RBFOX1: variants seen among roughly 807,000 people sequenced by gnomAD.
The protein encoded by RBFOX1 is RNA binding fox-1 homolog 1, also known as RNA binding protein fox-1 homolog 1.
Under a neutral mutation model 57.7 loss-of-function variants are expected in RBFOX1, and 8 were observed. The ratio of observed to expected loss-of-function variants is 0.14; its 90% CI spans 0.08 to 0.25. RBFOX1 has a LOEUF of 0.25. Ranked by LOEUF, RBFOX1 falls within the 10% of genes least tolerant of loss-of-function variation. The pLI, the probability that RBFOX1 is intolerant of heterozygous loss-of-function variation, is 1.00. For missense variants in RBFOX1, 611 were observed against 548.5 expected (o/e 1.11, Z -1.14); for synonymous variants, 326 against 222.4 (o/e 1.47, Z -4.15).
chr16:7,272,437 G>C (rs528855557), intron 4 of RBFOX1, among the ~76,000 whole-genome samples: 5 of 152,166 alleles, frequency 3.3e-5, no homozygotes, highest in South Asian at 2.1e-4. Context: ...ACCTGCCTCA[G>C]TATCCCAAAA....
At chr16:5,978,870 A>G (rs1283301902) in intron 4 of RBFOX1, among the ~76,000 whole-genome samples, 1 of 152,016 alleles carries the variant, frequency 6.6e-6, no homozygotes, top group Admixed American at 6.5e-5. Context: ...CACCCCCAAT[A>G]CTGTTCATCA....
rs146109687 is a variant in RBFOX1 at position 5,397,225 on chromosome 16, G to A, written c.220-69991G>A. ...AGAGAAACGTGGAGGAGGCTGAAAG[G>A]CTTCTCTAAAGGGATTTTCCCCCTC... On this transcript the variant is annotated intron_variant, in intron 1 of 2. Transcript: ENST00000585867. 3.3e-5 allele frequency among the ~76,000 whole-genome samples: 5 copies of A among 152,346 alleles called. No individual in the cohort carries two copies. In the South Asian group the frequency reaches 6.2e-4, roughly 19 times the overall value.
intron 3 of RBFOX1, among the ~76,000 whole-genome samples, chr16:6,928,942 G>T (rs1021645688): frequency 2.0e-5 from 3 of 152,100 alleles, no homozygotes; most frequent in African/African-American, 7.2e-5. Flanking sequence ...AGTCCCCAAA[G>T]CAGATGTCAT....
chr16:6,381,791 G>A (rs572786193), intron 2 of RBFOX1, among the ~76,000 whole-genome samples: 16 of 152,290 alleles, frequency 1.1e-4, no homozygotes, highest in African/African-American at 3.4e-4. Flanking sequence ...TGTGTCCCTC[G>A]GGATTCCAGC....
At chr16:6,987,155 A>G (rs1229457325) in intron 3 of RBFOX1, among the ~76,000 whole-genome samples, 3 of 152,072 alleles carry the variant, frequency 2.0e-5, no homozygotes, top group East Asian at 3.9e-4. Context: ...TCAGTCAGAG[A>G]GCAGCATTTT....
chr16:6,592,985 G>T (rs1397967572), intron 2 of RBFOX1, among the ~76,000 whole-genome samples: 1 of 152,130 alleles, frequency 6.6e-6, no homozygotes, highest in Admixed American at 6.5e-5. Context: ...CTGAGGTCAG[G>T]AGTTCACGAC....
intron 1 of RBFOX1, among the ~76,000 whole-genome samples, chr16:6,108,041 G>C (rs1216112455): frequency 6.6e-6 from 1 of 151,770 alleles, no homozygotes; most frequent in Non-Finnish European, 1.5e-5. Flanking sequence ...GAAAATATTA[G>C]GCTCACTATT....
intron 3 of RBFOX1, among the ~76,000 whole-genome samples, chr16:7,006,196 C>G (rs2093284207): frequency 2.6e-5 from 4 of 151,994 alleles, no homozygotes. Context: ...CTGTTTGTTG[C>G]CAGGCTGGAG....
chr16:5,907,008 A>G (rs907626691), intron 4 of RBFOX1, among the ~76,000 whole-genome samples: 23 of 152,016 alleles, frequency 1.5e-4, no homozygotes, highest in Admixed American at 1.4e-3. Flanking sequence ...AAGTGCTGGG[A>G]TTACAGGCAT....
intron 1 of RBFOX1, among the ~76,000 whole-genome samples, chr16:6,312,536 C>T (rs1361341109): frequency 1.3e-5 from 2 of 152,206 alleles, no homozygotes; most frequent in South Asian, 2.1e-4. Flanking sequence ...CAGGATCAGG[C>T]GCTGCAGACC....
intron 4 of RBFOX1, among the ~76,000 whole-genome samples, chr16:7,195,960 A>G (rs1375537604): frequency 1.3e-5 from 2 of 152,052 alleles, no homozygotes; most frequent in Non-Finnish European, 2.9e-5. Context: ...CTCTACTGCC[A>G]CACTGCTATT....
At chr16:7,407,917 A>T (rs1449627934) in intron 4 of RBFOX1, among the ~76,000 whole-genome samples, 1 of 152,184 alleles carries the variant, frequency 6.6e-6, no homozygotes, top group Non-Finnish European at 1.5e-5. Context: ...CCATTTGTTT[A>T]CCAATCGTGG....
intron 3 of RBFOX1, among the ~76,000 whole-genome samples, chr16:6,659,162 G>C (rs2098684603): frequency 6.6e-6 from 1 of 151,968 alleles, no homozygotes; most frequent in Non-Finnish European, 1.5e-5. Context: ...CTATTATAAA[G>C]ACTGAGATTC....
Position 5,438,128 on chromosome 16 carries a change from C to G in RBFOX1, c.220-29088C>G, listed in dbSNP as rs80218592. Among the ~76,000 whole-genome samples, 322 of 152,242 alleles carry G rather than the reference C, an allele frequency of 2.1e-3. 3 individuals are homozygous for G. The highest frequency in any genetic ancestry group is 7.2e-3 in the African/African-American group (300 of 41,556). On this transcript the variant is annotated intron_variant, in intron 1 of 2. Transcript: ENST00000585867. The stretch of plus-strand genomic sequence containing the variant: ...AGTTTGAACACAACATTGTATTGAT[C>G]TTTGTGGATATTACACTTCCAACCA...
intron 1 of RBFOX1, among the ~76,000 whole-genome samples, chr16:6,288,563 T>C (rs750712968): frequency 9.2e-5 from 14 of 152,158 alleles, no homozygotes; most frequent in Non-Finnish European, 1.8e-4. Context: ...TTTTGTTATC[T>C]CCAGTTTACA....
chr16:6,978,683 C>T (rs9935501), intron 3 of RBFOX1, among the ~76,000 whole-genome samples: 79 of 152,258 alleles, frequency 5.2e-4, no homozygotes, highest in African/African-American at 1.8e-3. Flanking sequence ...GACTTGGAAG[C>T]TGAGGTTTTG....
At chr16:6,751,879 A>G (rs1449950222) in intron 3 of RBFOX1, among the ~76,000 whole-genome samples, 2 of 152,148 alleles carry the variant, frequency 1.3e-5, no homozygotes, top group African/African-American at 2.4e-5. Flanking sequence ...TTAGATGGAG[A>G]TGCGCTGCTG....
chr16:5,526,071 A>G (rs922361600), intron 2 of RBFOX1, among the ~76,000 whole-genome samples: 2 of 151,994 alleles, frequency 1.3e-5, no homozygotes, highest in African/African-American at 2.4e-5. Context: ...CAGGCAGTGC[A>G]TGTGTAGACA....
At chr16:6,388,458 G>T (rs2092421276) in intron 2 of RBFOX1, among the ~76,000 whole-genome samples, 1 of 151,838 alleles carries the variant, frequency 6.6e-6, no homozygotes, top group Admixed American at 6.6e-5. Context: ...ACATGTGTTT[G>T]TTTTTATTTT....
Sources: gnomAD v4.1 joint callset for allele counts (sites outside exome capture counted in the v4.1 genomes callset) on GRCh38, gnomAD v4.1.1 for gene constraint, MANE v1.5 for transcripts, NCBI Gene and HGNC (gene_info 2026-07-23, HGNC 2026-07-21) for gene names.